The following FAM177A1 variants were observed in gnomAD, a reference collection of about 807,000 sequenced individuals.
FAM177A1 encodes the protein protein FAM177A1.
In FAM177A1, 22 loss-of-function variants were observed where a neutral mutation model predicts 26.1. The observed-to-expected ratio is 0.84, with a 90% CI of 0.60 to 1.20. FAM177A1 has a LOEUF of 1.20. Ranked by LOEUF, FAM177A1 falls within the 50% of genes most tolerant of loss-of-function variation. FAM177A1 has a pLI of 0.00. For missense variants in FAM177A1, 296 were observed against 291.1 expected, an observed-to-expected ratio of 1.02 and a Z score of -0.12; for synonymous variants, 95 against 99.3, an observed-to-expected ratio of 0.96 and a Z score of 0.26.
In FAM177A1 at chr14:35,046,416, A is replaced by G; in HGVS notation, c.-48A>G. 2 of 1,473,318 alleles carry G rather than the reference A, an allele frequency of 1.4e-6. No individual in the cohort carries two copies. Among genetic ancestry groups the G allele is most frequent in the South Asian group, 1.3e-5 (1 of 75,114 alleles). 91.3% of individuals were successfully genotyped at this position (1,473,318 alleles called of 1,614,324 possible). ...GGCGGGCGCTGGGCGGGTGAGTCCC[A>G]CTTCCCGACAGCCTGGCTCGGCCAG... On this transcript the variant is annotated 5_prime_UTR_variant, in exon 1 of 5. Transcript: ENST00000280987.
intron 1 of FAM177A1, among the ~76,000 whole-genome samples, chr14:35,049,819 A>G (rs1595035200): frequency 1.3e-5 from 2 of 152,180 alleles, no homozygotes; most frequent in Admixed American, 1.3e-4. Flanking sequence ...GAATAAAGAT[A>G]AGCACATTTA....
chr14:35,068,220 T>C (rs996279484), intron 2 of FAM177A1, among the ~76,000 whole-genome samples: 2 of 152,246 alleles, frequency 1.3e-5, no homozygotes, highest in South Asian at 2.1e-4. Flanking sequence ...ATTGTGTAAG[T>C]AGAAAATCTT....
At chr14:35,074,872 C>G (rs1050794351) in intron 2 of FAM177A1, among the ~76,000 whole-genome samples, 2 of 151,894 alleles carry the variant, frequency 1.3e-5, no homozygotes, top group Non-Finnish European at 1.5e-5. Flanking sequence ...GAAACCTTAT[C>G]TATACTAAAC....
intron 2 of FAM177A1, among the ~76,000 whole-genome samples, chr14:35,064,272 A>G (rs2045205440): frequency 6.6e-6 from 1 of 151,974 alleles, no homozygotes; most frequent in Admixed American, 6.6e-5. Flanking sequence ...CTGTAATACC[A>G]GCTACTCGGG....
chr14:35,049,613 C>A (rs1165094115), intron 1 of FAM177A1, among the ~76,000 whole-genome samples: 1 of 152,036 alleles, frequency 6.6e-6, no homozygotes, highest in Non-Finnish European at 1.5e-5. Flanking sequence ...ATGAAACCCT[C>A]ATCTCTACTA....
At chr14:35,052,649 G>A (rs1380871006) in intron 1 of FAM177A1, among the ~76,000 whole-genome samples, 1 of 152,022 alleles carries the variant, frequency 6.6e-6, no homozygotes, top group Non-Finnish European at 1.5e-5. Context: ...TCCAGCTCAG[G>A]CACAGTGACG....
chr14:35,058,985 G>C (rs2045106350), intron 2 of FAM177A1, among the ~76,000 whole-genome samples: 1 of 152,124 alleles, frequency 6.6e-6, no homozygotes, highest in Admixed American at 6.6e-5. Flanking sequence ...GCCCAGGCTG[G>C]ACTGCAGTGG....
intron 3 of FAM177A1, among the ~76,000 whole-genome samples, 170 bp from the exon 4 acceptor site, chr14:35,078,757 C>G (rs938358461): frequency 3.3e-5 from 5 of 152,198 alleles, no homozygotes; most frequent in African/African-American, 1.2e-4. Context: ...GCCACCGGTA[C>G]TTCTTGAAGA....
chr14:35,078,977 C>A lies in FAM177A1; in HGVS notation c.457C>A (p.Pro153Thr). Residue 153 changes from proline (P) to threonine (T), a missense_variant, in exon 4 of 5, where the codon CCA becomes ACA. Pro to Thr is a conservative substitution (Grantham distance 38, BLOSUM62 -1). Coordinates refer to ENST00000280987, the MANE Select transcript of FAM177A1 (RefSeq NM_173607.5). ...KIASVLGIST[P>T]KYQYAIDEYY... Reference sequence around the variant, plus strand: ...TGCATCTGTTTTGGGTATCAGCACCCCAAAGTACCAATATGCCATTGATGA... The same window carrying A: ...TGCATCTGTTTTGGGTATCAGCACCACAAAGTACCAATATGCCATTGATGA... 1 of 1,554,912 alleles carries A rather than the reference C, an allele frequency of 6.4e-7. No homozygotes were observed. Among genetic ancestry groups the A allele is most frequent in the East Asian group, 2.4e-5 (1 of 40,992 alleles).
At chr14:35,072,368 A>G (rs1367025658) in intron 2 of FAM177A1, among the ~76,000 whole-genome samples, 5 of 152,174 alleles carry the variant, frequency 3.3e-5, no homozygotes, top group East Asian at 1.9e-4. Flanking sequence ...GATCATCATC[A>G]TAAGTCTTCT....
chr14:35,078,289 CAG>C (rs1381495220), intron 3 of FAM177A1, among the ~76,000 whole-genome samples: 7 of 152,170 alleles, frequency 4.6e-5, no homozygotes, highest in South Asian at 4.1e-4. Context: ...GGTAGGCACT[CAG>C]TGAGTATTAT....
In FAM177A1 at chr14:35,046,547, A is replaced by C; in HGVS notation, c.84A>C (p.Pro28=). 1 of 1,598,840 alleles carries C rather than the reference A, an allele frequency of 6.3e-7. No individual in the cohort carries two copies. The highest frequency in any genetic ancestry group is 8.5e-7 in the Non-Finnish European group (1 of 1,174,444). Reference sequence around the variant, plus strand: ...TGGCGACGACGATGGACCAGGAGCCAGTGGGCGGTGTGGAACGAGGAGAAG... The same window carrying C: ...TGGCGACGACGATGGACCAGGAGCCCGTGGGCGGTGTGGAACGAGGAGAAG... ...PVVATTMDQE[P]VGGVERGEAV... is the part of the protein sequence containing the mutation. The change falls in exon 1 of 5, where the codon CCA becomes CCC. Residue 28 remains proline (P), a synonymous_variant. Transcript: ENST00000280987.
intron 2 of FAM177A1, among the ~76,000 whole-genome samples, chr14:35,063,882 T>C (rs1223693289): frequency 1.3e-5 from 2 of 148,802 alleles, no homozygotes; most frequent in Non-Finnish European, 3.0e-5. Context: ...ACTCCATCTC[T>C]ACTAAAAATA....
chr14:35,046,729 C>G, intron 1 of FAM177A1, 101 bp downstream of exon 1: 1 of 1,423,952 alleles, frequency 7.0e-7, no homozygotes, highest in Non-Finnish European at 9.2e-7. Flanking sequence ...TCCGAGCAGG[C>G]CGCCCCAGCT....
chr14:35,065,036 C>T (rs755143068), intron 2 of FAM177A1, among the ~76,000 whole-genome samples: 9 of 151,538 alleles, frequency 5.9e-5, no homozygotes, highest in African/African-American at 1.5e-4. Context: ...TTTTTATGTA[C>T]GCTCATGTTA....
At chr14:35,051,282 G>A (rs1345493702) in intron 1 of FAM177A1, among the ~76,000 whole-genome samples, 1 of 152,072 alleles carries the variant, frequency 6.6e-6, no homozygotes, top group African/African-American at 2.4e-5. Context: ...ACCACGCCCA[G>A]CTAATTTTTG....
chr14:35,051,404 A>G (rs906052454), intron 1 of FAM177A1, among the ~76,000 whole-genome samples: 1 of 151,782 alleles, frequency 6.6e-6, no homozygotes, highest in Non-Finnish European at 1.5e-5. Flanking sequence ...GGCCTGAGCC[A>G]CAGCACCCAG....
chr14:35,072,132 G>A (rs1013853417), intron 2 of FAM177A1, among the ~76,000 whole-genome samples: 16 of 151,560 alleles, frequency 1.1e-4, no homozygotes, highest in South Asian at 4.2e-4. Context: ...AAAATTAGCC[G>A]GATGTGGTGT....
rs61628117 is a variant in FAM177A1, at chr14:35,069,285, G to GTT, written c.340-7849_340-7848dup. Among the ~76,000 whole-genome samples the GTT allele has an allele frequency of 2.3e-3, 320 of 137,694 alleles. 1 individual carries two copies. The highest frequency in any genetic ancestry group is 4.9e-3 in the South Asian group (21 of 4,312). 90.3% of individuals were successfully genotyped at this position (137,694 alleles called of 152,430 possible). On this transcript the variant is annotated intron_variant, in intron 2 of 4. Coordinates refer to ENST00000280987, the MANE Select transcript of FAM177A1 (RefSeq NM_173607.5). ...AGCCAATGCTTATCCATTGGAGTAGGTTTTTTTTTTTTTTTTTGAGACAGA... is the reference window on the plus strand; with the variant it reads ...AGCCAATGCTTATCCATTGGAGTAGGTTTTTTTTTTTTTTTTTTTGAGACAGA...
Sources: allele counts gnomAD v4.1 joint callset (sites outside exome capture counted in the v4.1 genomes callset), GRCh38; gene constraint gnomAD v4.1.1; transcripts MANE v1.5; gene names NCBI Gene and HGNC (gene_info 2026-07-23, HGNC 2026-07-21).